The following FBXO27 variants were observed in gnomAD, a reference collection of about 807,000 sequenced individuals.
The protein encoded by FBXO27 is F-box only protein 27.
FBXO27 carries 28 observed loss-of-function variants against 28.3 expected under a neutral mutation model. The observed-to-expected ratio is 0.99, with a 90% CI of 0.73 to 1.36. The LOEUF is 1.36. Among genes scored for constraint, FBXO27 ranks in the 40% most tolerant of loss-of-function variants. The pLI, the probability that FBXO27 is intolerant of heterozygous loss-of-function variation, is 0.00. For synonymous variants in FBXO27, 175 were observed against 167.3 expected (o/e 1.05, Z -0.36); for missense variants, 388 against 394.1 (o/e 0.98, Z 0.13).
chr19:39,019,776 G>C (rs2072836923), downstream of FBXO27, among the ~76,000 whole-genome samples: 1 of 152,016 alleles, frequency 6.6e-6, no homozygotes, highest in African/African-American at 2.4e-5. Flanking sequence ...TTTTGAGACA[G>C]AGCCTTGCTC....
At chr19:39,012,214 C>T (rs1489843875) in intron 2 of FBXO27, among the ~76,000 whole-genome samples, 3 of 129,140 alleles carry the variant, frequency 2.3e-5, no homozygotes, top group Non-Finnish European at 3.2e-5. Context: ...GAGACAGTTT[C>T]GCTCTTGTTG....
At chr19:39,028,170 G>A (rs1024696653) in intron 4 of FBXO27, among the ~76,000 whole-genome samples, 1 of 152,054 alleles carries the variant, frequency 6.6e-6, no homozygotes, top group Non-Finnish European at 1.5e-5. Flanking sequence ...GGCAGAGGTT[G>A]CAGTGAGCTG....
At chr19:39,007,725 C>A (rs1467106963) in intron 2 of FBXO27, among the ~76,000 whole-genome samples, 2 of 152,170 alleles carry the variant, frequency 1.3e-5, no homozygotes, top group African/African-American at 2.4e-5. Context: ...TCACTGCAAC[C>A]TCCGCCTCCC....
downstream of FBXO27, among the ~76,000 whole-genome samples, chr19:39,021,619 CAGTAGGCTATT>C (rs1434978411): frequency 1.3e-5 from 2 of 152,066 alleles, no homozygotes; most frequent in Non-Finnish European, 2.9e-5. Context: ...TTCTGGTCAA[CAGTAGGCTATT>C]AGTAGTTAAG....
chr19:39,031,284 T>A lies in FBXO27; in HGVS notation c.401A>T (p.Asp134Val). The change falls in exon 3 of 6, where the codon GAC (aspartate) becomes GTC (valine). Residue 134 changes from aspartate to valine, a missense_variant. Coordinates refer to ENST00000292853, the MANE Select transcript of FBXO27 (RefSeq NM_178820.5). ...LRKWMVQHGGDGWVVEENRTT... is the reference protein window; with the variant it reads ...LRKWMVQHGGVGWVVEENRTT... ...CCTGTTTTCCTCCACCACCCAGCCG[T>A]CCCCACCGTGTTGCACCATCCACTT... is the stretch of plus-strand genomic sequence containing the variant. The A allele has an allele frequency of 6.2e-7, 1 of 1,613,904 alleles. No homozygotes were observed. Among genetic ancestry groups the A allele is most frequent in the Non-Finnish European group, 8.5e-7 (1 of 1,179,944 alleles).
intron 2 of FBXO27, among the ~76,000 whole-genome samples, chr19:39,009,590 C>T (rs959114432): frequency 1.6e-4 from 25 of 152,256 alleles, no homozygotes; most frequent in Middle Eastern, 3.4e-3. Flanking sequence ...ACTGGTATAT[C>T]TTCTTTGGAA....
downstream of FBXO27, among the ~76,000 whole-genome samples, chr19:39,020,755 C>CAAAA (rs61577516): frequency 4.7e-5 from 5 of 105,272 alleles, 1 homozygote; most frequent in Non-Finnish European, 7.5e-5. Context: ...GTGGATATGG[C>CAAAA]AAAAAAAAAA....
chr19:39,017,214 C>T (rs760793679), intron 1 of FBXO27, among the ~76,000 whole-genome samples: 11 of 152,156 alleles, frequency 7.2e-5, no homozygotes, highest in Non-Finnish European at 1.3e-4. Flanking sequence ...CAGAAATCAT[C>T]GTTTACAGAC....
intron 2 of FBXO27, among the ~76,000 whole-genome samples, chr19:39,007,078 A>AAAC (rs2094316884): frequency 6.9e-6 from 1 of 145,350 alleles, no homozygotes; most frequent in Non-Finnish European, 1.5e-5. Flanking sequence ...AAAAAAAAAA[A>AAAC]TACAGAAAAG....
At chr19:39,018,725 G>A (rs55873651) in intron 1 of FBXO27, among the ~76,000 whole-genome samples, 13,016 of 152,098 alleles carry the variant, frequency 0.086, 699 homozygotes, top group Non-Finnish European at 0.12. Context: ...CAGTTATGCC[G>A]GCAAGCAGGA....
intron 4 of FBXO27, 146 bp from the exon 5 acceptor site, chr19:39,027,151 G>A (rs2072877276): frequency 9.8e-7 from 1 of 1,015,936 alleles, no homozygotes; most frequent in African/African-American, 1.6e-5. Context: ...CCTTTGGAAT[G>A]TTGTGTCAGA....
Position 39,032,459 on chromosome 19 carries a change from A to T in FBXO27, c.-27+44T>A. ...TGTATGCCCCGAATTGCATGCAATC[A>T]GCCCCCCTCGGCGGCCGCACCGACA... On this transcript the variant is annotated intron_variant, in intron 1 of 5. Transcript: ENST00000292853. The surrounding 1 kb of genome is among the most constrained non-coding windows in gnomAD (Gnocchi z 4.7). 3.7e-6 allele frequency: 2 copies of T among 546,748 alleles called. No homozygotes were observed. The highest frequency in any genetic ancestry group is 5.8e-6 in the Non-Finnish European group (2 of 344,476). 33.9% of individuals were successfully genotyped at this position (546,748 alleles called of 1,614,324 possible).
chr19:39,017,565 C>G (rs375115594), intron 1 of FBXO27, among the ~76,000 whole-genome samples: 1 of 150,782 alleles, frequency 6.6e-6, no homozygotes, highest in Non-Finnish European at 1.5e-5. Context: ...CATGGTGGCA[C>G]GTGCCTGTAA....
chr19:39,021,479 A>G (rs1371141905), downstream of FBXO27, among the ~76,000 whole-genome samples: 2 of 152,168 alleles, frequency 1.3e-5, no homozygotes, highest in Non-Finnish European at 2.9e-5. Context: ...TAGTAAATGT[A>G]CTTTCTCTTC....
chr19:39,013,994 G>T (rs1442961424), intron 2 of FBXO27, among the ~76,000 whole-genome samples: 2 of 152,076 alleles, frequency 1.3e-5, no homozygotes, highest in Non-Finnish European at 2.9e-5. Flanking sequence ...GCCTGGGGGA[G>T]ACAGTGAGAC....
At chr19:39,007,973 T>C (rs569110980) in intron 2 of FBXO27, among the ~76,000 whole-genome samples, 1 of 152,210 alleles carries the variant, frequency 6.6e-6, no homozygotes, top group East Asian at 1.9e-4. Context: ...TATTTAAAAA[T>C]GTTTTATTGG....
In FBXO27 at chr19:39,025,090, G is replaced by C. The variant is rs927957641; in HGVS notation, c.*321C>G. The C allele has an allele frequency of 2.5e-5, 7 of 280,742 alleles. No homozygotes were observed. Among genetic ancestry groups the C allele is most frequent in the Non-Finnish European group, 4.7e-5 (7 of 148,066 alleles). 17.4% of individuals were successfully genotyped at this position (280,742 alleles called of 1,614,324 possible). A position where few individuals can be genotyped will look rare whatever the true frequency, so the allele number is the denominator to read the frequency against. On this transcript the variant is annotated 3_prime_UTR_variant, in exon 6 of 6. Transcript: ENST00000292853. ...GCCTGGGGCTGGATCGGAGGGTTTT[G>C]GTTGGGAGGAGAAGAGAGGGGAGGG... is the stretch of plus-strand genomic sequence containing the variant.
intron 2 of FBXO27, among the ~76,000 whole-genome samples, chr19:39,013,419 C>T (rs2072805002): frequency 1.3e-5 from 2 of 151,804 alleles, no homozygotes; most frequent in East Asian, 3.9e-4. Context: ...CACCTGAGGT[C>T]AGGAGTTCGA....
At chr19:39,029,111 G>C (rs2072888657) in intron 4 of FBXO27, among the ~76,000 whole-genome samples, 1 of 151,506 alleles carries the variant, frequency 6.6e-6, no homozygotes, top group South Asian at 2.1e-4. Flanking sequence ...TGGGGAATAG[G>C]GTTATGGTGC....
Sources: gnomAD v4.1 joint callset for allele counts (sites outside exome capture counted in the v4.1 genomes callset) on GRCh38, gnomAD v4.1.1 for gene constraint, Gnocchi (gnomAD v3.1) non-coding constraint, MANE v1.5 for transcripts, NCBI Gene and HGNC (gene_info 2026-07-23, HGNC 2026-07-21) for gene names.